Variants in ESRRG observed in about 807,000 individuals in gnomAD.
ESRRG encodes estrogen-related receptor gamma.
ESRRG carries 13 observed loss-of-function variants against 44.0 expected under a neutral mutation model. The observed-to-expected ratio is 0.30, with a 90% confidence interval of 0.19 to 0.47. The LOEUF is 0.47. Ranked by LOEUF, ESRRG falls within the 20% of genes least tolerant of loss-of-function variation. The probability of loss-of-function intolerance (pLI) is 1.00; values close to 1 mark genes in which losing one functional copy is unlikely to be tolerated. For synonymous variants in ESRRG, 215 were observed against 214.6 expected (o/e 1.00, Z -0.02); for missense variants, 395 against 580.6 (o/e 0.68, Z 3.29).
rs989187426 is a variant in ESRRG at position 216,894,436 on chromosome 1, A to G, written c.-14+45146T>C. Among the ~76,000 whole-genome samples the G allele has an allele frequency of 4.6e-5, 7 of 152,126 alleles. No individual in the cohort carries two copies. In the East Asian group the frequency reaches 5.8e-4, roughly 13 times the overall value. On this transcript the variant is annotated intron_variant, in intron 2 of 7. Transcript: ENST00000359162. ...AAATGAACTACACCAGCCAGGTCCTATGGTAGCTGGAGTGAATCATCTATA... is the reference window on the plus strand; with the variant it reads ...AAATGAACTACACCAGCCAGGTCCTGTGGTAGCTGGAGTGAATCATCTATA...
chr1:217,132,720 T>C (rs193093336), intron 1 of ESRRG, among the ~76,000 whole-genome samples: 127 of 152,192 alleles, frequency 8.3e-4, no homozygotes, highest in African/African-American at 2.9e-3. Context: ...CTCTTGTTGC[T>C]TCTTCTTGGG....
At chr1:217,087,834 G>T (rs932741116) in intron 1 of ESRRG, among the ~76,000 whole-genome samples, 1 of 152,168 alleles carries the variant, frequency 6.6e-6, no homozygotes, top group Non-Finnish European at 1.5e-5. Flanking sequence ...ATCCAGGCCT[G>T]CTTCCTTATA....
At chr1:216,913,490 C>T (rs1488732006) in intron 2 of ESRRG, among the ~76,000 whole-genome samples, 1 of 152,128 alleles carries the variant, frequency 6.6e-6, no homozygotes, top group Non-Finnish European at 1.5e-5. Flanking sequence ...GTGTAGAAAA[C>T]ATTATGTTTA....
intron 1 of ESRRG, among the ~76,000 whole-genome samples, chr1:217,115,044 G>A (rs1236082732): frequency 6.6e-6 from 1 of 151,884 alleles, no homozygotes; most frequent in Non-Finnish European, 1.5e-5. Flanking sequence ...GTGCTGCTGA[G>A]GGAAAGAGGT....
chr1:216,702,608 C>CAAAAAAAAAAAAA (rs61361041), intron 1 of ESRRG, among the ~76,000 whole-genome samples: 1 of 132,350 alleles, frequency 7.6e-6, no homozygotes, highest in Non-Finnish European at 1.6e-5. Flanking sequence ...ACTAAAAATA[C>CAAAAAAAAAAAAA]AAAAAAAAAA....
At chr1:216,620,187 C>CT (rs2062000250) in intron 3 of ESRRG, among the ~76,000 whole-genome samples, 1 of 152,146 alleles carries the variant, frequency 6.6e-6, no homozygotes. Flanking sequence ...CTATGTGATT[C>CT]TGATCAAATT....
chr1:216,947,643 C>A (rs192938574), intron 1 of ESRRG, among the ~76,000 whole-genome samples: 42 of 152,286 alleles, frequency 2.8e-4, no homozygotes, highest in Admixed American at 2.5e-3. Context: ...CCTGGAAGAG[C>A]CAGTTTACCA....
At chr1:216,722,356 T>C (rs1039816451) in intron 1 of ESRRG, among the ~76,000 whole-genome samples, 1 of 152,168 alleles carries the variant, frequency 6.6e-6, no homozygotes, top group African/African-American at 2.4e-5. Context: ...ATTAAGTTTA[T>C]CACCTACTCA....
chr1:216,536,881 C>T (rs1024128299), intron 5 of ESRRG, among the ~76,000 whole-genome samples: 3 of 151,828 alleles, frequency 2.0e-5, no homozygotes, highest in African/African-American at 7.3e-5. Flanking sequence ...TGGTATAATA[C>T]TGCAATAGAG....
intron 1 of ESRRG, among the ~76,000 whole-genome samples, chr1:217,028,328 A>G (rs538561922): frequency 6.2e-4 from 94 of 152,180 alleles, no homozygotes; most frequent in Non-Finnish European, 1.2e-3. Flanking sequence ...AAAAGGCTCT[A>G]CAGAAAATGG....
chr1:216,634,052 T>C (rs1574474183), intron 3 of ESRRG, among the ~76,000 whole-genome samples: 1 of 152,220 alleles, frequency 6.6e-6, no homozygotes, highest in Non-Finnish European at 1.5e-5. Flanking sequence ...AGCATTTTAC[T>C]GGTCAGCAGT....
At chr1:217,088,990 C>A (rs1181617169) in intron 1 of ESRRG, among the ~76,000 whole-genome samples, 1 of 152,050 alleles carries the variant, frequency 6.6e-6, no homozygotes, top group African/African-American at 2.4e-5. Context: ...GGAGGGAAAG[C>A]AGCGTAGAGG....
intron 1 of ESRRG, among the ~76,000 whole-genome samples, chr1:217,110,635 A>G (rs1178990071): frequency 6.6e-6 from 1 of 152,120 alleles, no homozygotes; most frequent in Non-Finnish European, 1.5e-5. Context: ...GGAACAGGCA[A>G]GAGAGAATGG....
At chr1:217,045,949 T>C (rs1341919782) in intron 1 of ESRRG, among the ~76,000 whole-genome samples, 8 of 152,128 alleles carry the variant, frequency 5.3e-5, no homozygotes, top group African/African-American at 1.9e-4. Flanking sequence ...ATATAGTTAG[T>C]ATAGATTGAG....
intron 6 of ESRRG, among the ~76,000 whole-genome samples, chr1:216,508,578 T>C (rs182655576): frequency 3.9e-4 from 59 of 152,340 alleles, no homozygotes; most frequent in African/African-American, 1.3e-3. Flanking sequence ...CCTTTCCCTG[T>C]GGATTGTTTC....
chr1:217,070,043 A>G (rs1460510206), intron 1 of ESRRG, among the ~76,000 whole-genome samples: 1 of 152,162 alleles, frequency 6.6e-6, no homozygotes, highest in Non-Finnish European at 1.5e-5. Flanking sequence ...AGTTCCTATA[A>G]GTTGATTCTA....
chr1:216,932,858 A>G (rs1396186726), intron 2 of ESRRG, among the ~76,000 whole-genome samples: 2 of 150,394 alleles, frequency 1.3e-5, no homozygotes, highest in East Asian at 3.9e-4. Flanking sequence ...ATGAGCCACC[A>G]TGTCCAGCCA....
At chr1:216,865,327 G>A (rs2149142407) in intron 2 of ESRRG, 1 of 152,016 alleles carries the variant, frequency 6.6e-6, no homozygotes, top group South Asian at 2.1e-4. Flanking sequence ...CGTTTGCTCA[G>A]CTCAGATCAT....
At chr1:216,603,865 G>A (rs966373037) in intron 3 of ESRRG, among the ~76,000 whole-genome samples, 1 of 151,338 alleles carries the variant, frequency 6.6e-6, no homozygotes, top group African/African-American at 2.4e-5. Context: ...CCCAGGAGGC[G>A]GAGGTTGCAG....
Sources: gnomAD v4.1 joint callset for allele counts (sites outside exome capture counted in the v4.1 genomes callset) on GRCh38, gnomAD v4.1.1 for gene constraint, MANE v1.5 for transcripts, NCBI Gene and HGNC (gene_info 2026-07-23, HGNC 2026-07-21) for gene names.